Variants in COL24A1 observed in about 807,000 individuals in gnomAD.
COL24A1 encodes the protein collagen alpha-1(XXIV) chain.
Under a neutral mutation model 253.9 loss-of-function variants are expected in COL24A1, and 224 were observed. The ratio of observed to expected loss-of-function variants is 0.88; its 90% CI spans 0.79 to 0.99. The LOEUF (loss-of-function observed/expected upper bound fraction) is 0.99. Among genes scored for constraint, COL24A1 ranks in the 50% least tolerant of loss-of-function variants. The pLI, the probability that COL24A1 is intolerant of heterozygous loss-of-function variation, is 0.00. For missense variants in COL24A1, 2,131 were observed against 2,068.5 expected (o/e 1.03, Z -0.59); for synonymous variants, 685 against 673.7 (o/e 1.02, Z -0.26).
intron 2 of COL24A1, among the ~76,000 whole-genome samples, chr1:86,137,927 G>C (rs1650489242): frequency 6.6e-6 from 1 of 152,092 alleles, no homozygotes; most frequent in Non-Finnish European, 1.5e-5. Flanking sequence ...CCAGTCTTCT[G>C]ACCAAAATCG....
intron 28 of COL24A1, among the ~76,000 whole-genome samples, chr1:85,897,308 TAACTAAGTGATGG>T (rs1683842976): frequency 1.3e-5 from 2 of 151,998 alleles, no homozygotes; most frequent in Non-Finnish European, 2.9e-5. Flanking sequence ...CTGGGCTTTA[TAACTAAGTGATGG>T]GATGATCTGT....
At chr1:85,920,706 T>TA (rs796950628) in intron 24 of COL24A1, among the ~76,000 whole-genome samples, 178 of 149,338 alleles carry the variant, frequency 1.2e-3, no homozygotes, top group African/African-American at 3.0e-3. Context: ...ATATCATCAT[T>TA]AAAAAAAAAC....
chr1:86,155,645 G>A (rs1348532171), intron 1 of COL24A1: 2 of 152,498 alleles, frequency 1.3e-5, no homozygotes, highest in African/African-American at 4.8e-5. Flanking sequence ...CCGCCCCCGT[G>A]TCCTGCTCCC....
At chr1:85,784,734 TTTTA>T (rs1463606978) in intron 48 of COL24A1, among the ~76,000 whole-genome samples, 1 of 152,042 alleles carries the variant, frequency 6.6e-6, no homozygotes, top group Non-Finnish European at 1.5e-5. Context: ...TATTTATTTA[TTTTA>T]TTTTTTATTA....
intron 19 of COL24A1, among the ~76,000 whole-genome samples, chr1:85,991,691 C>T (rs934280611): frequency 3.9e-5 from 6 of 152,074 alleles, no homozygotes; most frequent in Admixed American, 2.6e-4. Context: ...CTCCTTAAAA[C>T]GTCATTAAAG....
At chr1:86,020,986 G>T (rs923039860) in intron 18 of COL24A1, among the ~76,000 whole-genome samples, 1 of 152,184 alleles carries the variant, frequency 6.6e-6, no homozygotes, top group East Asian at 1.9e-4. Context: ...ACATTTCATC[G>T]AATAGATGCC....
chr1:86,022,314 A>C (rs777634487), intron 17 of COL24A1, 21 bp from the exon 18 acceptor site: 1 of 1,597,252 alleles, frequency 6.3e-7, no homozygotes, highest in Non-Finnish European at 8.6e-7. Context: ...AGAATAACAG[A>C]AGAGAAAGTT....
intron 24 of COL24A1, among the ~76,000 whole-genome samples, chr1:85,949,844 G>A (rs1481541891): frequency 6.6e-6 from 1 of 151,940 alleles, no homozygotes; most frequent in Non-Finnish European, 1.5e-5. Context: ...ATATATACAG[G>A]GTTCCTCATT....
chr1:85,871,843 G>C (rs925533847), intron 35 of COL24A1, among the ~76,000 whole-genome samples: 1 of 152,138 alleles, frequency 6.6e-6, no homozygotes, highest in Admixed American at 6.6e-5. Flanking sequence ...GGAAGTTCTG[G>C]CCAGGGCAAT....
At chr1:86,114,389 A>G (rs995668491) in intron 4 of COL24A1, among the ~76,000 whole-genome samples, 2 of 152,174 alleles carry the variant, frequency 1.3e-5, no homozygotes, top group African/African-American at 4.8e-5. Flanking sequence ...TTAGCAGTGG[A>G]TAGGGAATAG....
At chr1:85,908,536 T>A (rs1002477173) in intron 27 of COL24A1, 62 bp downstream of exon 27, 1 of 937,442 alleles carries the variant, frequency 1.1e-6, no homozygotes, top group Non-Finnish European at 1.6e-6. Flanking sequence ...AGCATAACAA[T>A]TTATGAGTTT....
chr1:85,916,404 T>A (rs899026601), intron 24 of COL24A1, among the ~76,000 whole-genome samples: 3 of 152,220 alleles, frequency 2.0e-5, no homozygotes, highest in African/African-American at 4.8e-5. Flanking sequence ...TTCACAGGGT[T>A]CCGGCCATGC....
intron 12 of COL24A1, among the ~76,000 whole-genome samples, chr1:86,043,438 G>A (rs932683378): frequency 1.3e-5 from 2 of 152,020 alleles, no homozygotes; most frequent in Non-Finnish European, 2.9e-5. Context: ...CTTCTAATAC[G>A]ATTCTACTAA....
intron 20 of COL24A1, among the ~76,000 whole-genome samples, chr1:85,983,081 C>T (rs1456580595): frequency 1.3e-5 from 2 of 151,850 alleles, no homozygotes; most frequent in South Asian, 2.1e-4. Context: ...CAACATAATC[C>T]CACAAATAGT....
At chr1:85,843,962 GTGA>G (rs1676899202) in intron 39 of COL24A1, among the ~76,000 whole-genome samples, 4 of 152,002 alleles carry the variant, frequency 2.6e-5, no homozygotes, top group African/African-American at 9.7e-5. Context: ...GGGAGAAAAT[GTGA>G]TGAACAGATC....
chr1:85,902,117 T>A (rs1684375811), intron 28 of COL24A1, among the ~76,000 whole-genome samples: 1 of 152,174 alleles, frequency 6.6e-6, no homozygotes, highest in Non-Finnish European at 1.5e-5. Context: ...AAATGCCACA[T>A]GTTCTCACTT....
At chr1:86,107,508 A>AATTTATTTATTTATTTATTT (rs57193756) in intron 5 of COL24A1, among the ~76,000 whole-genome samples, 1 of 145,066 alleles carries the variant, frequency 6.9e-6, no homozygotes, top group Non-Finnish European at 1.5e-5. Context: ...ACACAATGGT[A>AATTTATTTATTTATTTATTT]ATTTATTTAT....
intron 58 of COL24A1, among the ~76,000 whole-genome samples, chr1:85,735,865 T>A (rs2100825546): frequency 6.6e-6 from 1 of 151,690 alleles, no homozygotes; most frequent in East Asian, 1.9e-4. Context: ...TAGAAAAATA[T>A]CAGTTATGAG....
At chr1:85,866,425 A>G (rs1679802060) in intron 37 of COL24A1, among the ~76,000 whole-genome samples, 1 of 152,092 alleles carries the variant, frequency 6.6e-6, no homozygotes, top group Admixed American at 6.5e-5. Flanking sequence ...GGAGGATTCT[A>G]TGACAGTATA....
Sources: allele counts gnomAD v4.1 joint callset (sites outside exome capture counted in the v4.1 genomes callset), GRCh38; gene constraint gnomAD v4.1.1; transcripts MANE v1.5; gene names NCBI Gene and HGNC (gene_info 2026-07-23, HGNC 2026-07-21).